SPEF2: variants seen among roughly 807,000 people sequenced by gnomAD.
SPEF2 encodes sperm flagellar and cilia associated 2, also known as sperm flagella and cilia-associated protein 2.
In SPEF2, 187 loss-of-function variants were observed where a neutral mutation model predicts 224.6. That is an observed-to-expected ratio of 0.83 (90% CI 0.74 to 0.94). The LOEUF (loss-of-function observed/expected upper bound fraction) is 0.94. Among genes scored for constraint, SPEF2 ranks in the 40% least tolerant of loss-of-function variants. The probability of loss-of-function intolerance (pLI) is 0.00; values close to 1 mark genes in which losing one functional copy is unlikely to be tolerated. For missense variants in SPEF2, 2,170 were observed against 2,135.6 expected (o/e 1.02, Z -0.32); for synonymous variants, 715 against 707.3 (o/e 1.01, Z -0.17).
At chr5:35,646,333 G>A (rs1474967351) in intron 4 of SPEF2, among the ~76,000 whole-genome samples, 1 of 152,100 alleles carries the variant, frequency 6.6e-6, no homozygotes, top group African/African-American at 2.4e-5. Flanking sequence ...CCTTGGTAAG[G>A]TCATGGCAGT....
intron 18 of SPEF2, among the ~76,000 whole-genome samples, chr5:35,707,177 G>A (rs1561233142): frequency 6.6e-6 from 1 of 152,150 alleles, no homozygotes; most frequent in Admixed American, 6.5e-5. Flanking sequence ...CTAAAAGAAT[G>A]TGGTACTTCT....
intron 1 of SPEF2, among the ~76,000 whole-genome samples, chr5:35,625,787 A>G: frequency 6.6e-6 from 1 of 152,292 alleles, no homozygotes; most frequent in Middle Eastern, 3.4e-3. Context: ...ATTGAGGGTC[A>G]TGGTGGCAAC....
At chr5:35,659,377 A>T (rs1231033375) in intron 8 of SPEF2, among the ~76,000 whole-genome samples, 170 bp downstream of exon 8, 1 of 152,226 alleles carries the variant, frequency 6.6e-6, no homozygotes, top group Non-Finnish European at 1.5e-5. Flanking sequence ...TCAACAGGGC[A>T]TGTAGCTGCT....
At chr5:35,728,152 G>C (rs536054342) in intron 21 of SPEF2, among the ~76,000 whole-genome samples, 62 of 152,292 alleles carry the variant, frequency 4.1e-4, no homozygotes, top group African/African-American at 1.2e-3. Context: ...CAAATTTCTA[G>C]CCTTCTATTC....
intron 8 of SPEF2, among the ~76,000 whole-genome samples, chr5:35,661,392 T>C (rs1294377211): frequency 1.4e-5 from 2 of 147,530 alleles, no homozygotes; most frequent in Non-Finnish European, 3.0e-5. Flanking sequence ...AAGATAAATA[T>C]ATATATATAT....
At chr5:35,798,756 G>A (rs1202826422) in intron 33 of SPEF2, among the ~76,000 whole-genome samples, 3 of 152,040 alleles carry the variant, frequency 2.0e-5, no homozygotes, top group Non-Finnish European at 4.4e-5. Context: ...ACCAGACCCG[G>A]CTAATTTTTG....
At chr5:35,693,608 C>T (rs1432217250) in intron 12 of SPEF2, among the ~76,000 whole-genome samples, 1 of 152,134 alleles carries the variant, frequency 6.6e-6, no homozygotes, top group Non-Finnish European at 1.5e-5. Flanking sequence ...ACAGTAAAGA[C>T]CCTAAGCGTG....
Position 35,646,779 on chromosome 5 carries a change from A to C in SPEF2, c.698A>C (p.Lys233Thr), listed in dbSNP as rs1468214839. ...NRTLKALEAQ[K>T]MMKKKKEAED... ...ACTTTGAAAGCACTCGAGGCCCAAA[A>C]AATGATGAAAAAGAAAAAAGAGGCA... The change falls in exon 5 of 37, where the codon AAA (lysine) becomes ACA (threonine). Residue 233 changes from lysine to threonine, a missense_variant. By Grantham distance (78) the Lys-to-Thr change is moderately conservative (BLOSUM62 -1). Coordinates refer to ENST00000356031, the MANE Select transcript of SPEF2 (RefSeq NM_024867.4). The C allele has an allele frequency of 6.2e-7, 1 of 1,613,944 alleles. No individual in the cohort carries two copies. Among genetic ancestry groups the C allele is most frequent in the Admixed American group, 1.7e-5 (1 of 60,016 alleles).
intron 36 of SPEF2, among the ~76,000 whole-genome samples, chr5:35,808,421 C>T (rs928054035): frequency 6.6e-6 from 1 of 151,870 alleles, no homozygotes; most frequent in African/African-American, 2.4e-5. Context: ...CATGACAGGC[C>T]CCAGTGTATG....
chr5:35,666,452 A>C (rs1334277304), intron 8 of SPEF2, among the ~76,000 whole-genome samples: 1 of 151,952 alleles, frequency 6.6e-6, no homozygotes, highest in Non-Finnish European at 1.5e-5. Context: ...ATTGCTTTCT[A>C]CATAAATAGA....
intron 30 of SPEF2, among the ~76,000 whole-genome samples, chr5:35,785,668 A>C (rs938591845): frequency 1.5e-4 from 23 of 150,920 alleles, no homozygotes; most frequent in Non-Finnish European, 3.0e-4. Flanking sequence ...CAAGTAGCTG[A>C]GACTACAGGT....
intron 8 of SPEF2, among the ~76,000 whole-genome samples, chr5:35,662,781 G>A (rs1006233501): frequency 5.9e-5 from 9 of 152,184 alleles, no homozygotes; most frequent in African/African-American, 2.2e-4. Flanking sequence ...TGGTCCATTG[G>A]TCTATGTGTC....
At chr5:35,781,845 G>C (rs1301812338) in intron 30 of SPEF2, among the ~76,000 whole-genome samples, 1 of 152,076 alleles carries the variant, frequency 6.6e-6, no homozygotes, top group Non-Finnish European at 1.5e-5. Flanking sequence ...ATTGACAGGA[G>C]TAACGTTCAT....
chr5:35,640,309 T>A (rs1443391150), intron 2 of SPEF2, among the ~76,000 whole-genome samples: 1 of 152,128 alleles, frequency 6.6e-6, no homozygotes, highest in Non-Finnish European at 1.5e-5. Context: ...TCAGTTCACA[T>A]CTTTCCAATT....
At chr5:35,792,564 G>A in intron 31 of SPEF2, 118 bp downstream of exon 31, 1 of 722,600 alleles carries the variant, frequency 1.4e-6, no homozygotes. Flanking sequence ...GGCAATCAAT[G>A]AAATGTGAGT....
intron 15 of SPEF2, chr5:35,699,665 A>C (rs1183711733): frequency 6.6e-6 from 1 of 152,206 alleles, no homozygotes; most frequent in Non-Finnish European, 1.5e-5. Context: ...GCGTTTTTAA[A>C]ATGCATCATT....
intron 15 of SPEF2, chr5:35,700,168 T>C (rs6884160): frequency 0.013 from 3,164 of 241,660 alleles, 112 homozygotes; most frequent in African/African-American, 0.065. Flanking sequence ...GTAAGACCAA[T>C]TAAATCTCTT....
At chr5:35,757,118 T>C (rs1177832311) in intron 24 of SPEF2, among the ~76,000 whole-genome samples, 1 of 152,084 alleles carries the variant, frequency 6.6e-6, no homozygotes, top group Non-Finnish European at 1.5e-5. Flanking sequence ...CAATTAAAAA[T>C]ATCGTTTACT....
chr5:35,767,772 A>T (rs554335865), intron 26 of SPEF2, among the ~76,000 whole-genome samples: 1 of 152,194 alleles, frequency 6.6e-6, no homozygotes, highest in African/African-American at 2.4e-5. Flanking sequence ...TATAAATGGG[A>T]TATGATGTGT....
Sources: gnomAD v4.1 joint callset for allele counts (sites outside exome capture counted in the v4.1 genomes callset) on GRCh38, gnomAD v4.1.1 for gene constraint, MANE v1.5 for transcripts, NCBI Gene and HGNC (gene_info 2026-07-23, HGNC 2026-07-21) for gene names.